Variants in DLK1 observed in about 807,000 individuals in gnomAD.
DLK1 encodes the protein delta like non-canonical Notch ligand 1, also known as protein delta homolog 1.
DLK1 carries 9 observed loss-of-function variants against 35.2 expected under a neutral mutation model. The observed-to-expected ratio is 0.26, with a 90% confidence interval of 0.15 to 0.45. The LOEUF (loss-of-function observed/expected upper bound fraction) is 0.45. Among genes scored for constraint, DLK1 ranks in the 20% least tolerant of loss-of-function variants. DLK1 has a pLI of 1.00. For missense variants in DLK1, 522 were observed against 528.5 expected, an observed-to-expected ratio of 0.99 and a Z score of 0.12; for synonymous variants, 231 against 228.4, an observed-to-expected ratio of 1.01 and a Z score of -0.10.
Position 100,735,143 on chromosome 14 carries a change from T to C in DLK1, c.*247T>C, listed in dbSNP as rs547835466. On this transcript the variant is annotated 3_prime_UTR_variant, in exon 5 of 5. Coordinates refer to ENST00000341267, the MANE Select transcript of DLK1 (RefSeq NM_003836.7). ...TTTAAATGAGTAAGAGAAATAAGTA[T>C]GTTATTCTAAAATCTAAACTCAAAT... The C allele has an allele frequency of 1.0e-4, 41 of 392,076 alleles. No homozygotes were observed. The Middle Eastern group carries it at 3.3e-3, about 31-fold the overall frequency. 24.3% of individuals were successfully genotyped at this position (392,076 alleles called of 1,614,324 possible).
chr14:100,729,698 C>T (rs1204174875), intron 3 of DLK1, among the ~76,000 whole-genome samples: 1 of 152,204 alleles, frequency 6.6e-6, no homozygotes, highest in Admixed American at 6.5e-5. Context: ...TCTTTGCCTC[C>T]ATTACCCCAA....
At position 100,732,105 on chromosome 14, in the gene DLK1, G is replaced by A. The variant is rs2036515868; in HGVS notation, c.326G>A (p.Gly109Asp). Residue 109 changes from glycine to aspartate, a missense_variant, in exon 4 of 5, where the codon GGC (glycine) becomes GAC (aspartate). Transcript: ENST00000341267. ...NNRTCVSLDD[G>D]LYECSCAPGY... ...AGGACCTGCGTGAGCCTGGACGATG[G>A]CCTCTATGAATGCTCCTGTGCCCCC... The A allele has an allele frequency of 6.2e-7, 1 of 1,613,976 alleles. No homozygotes were observed. Among genetic ancestry groups the A allele is most frequent in the Non-Finnish European group, 8.5e-7 (1 of 1,179,850 alleles).
chr14:100,732,767 C>T (rs1334939634), intron 4 of DLK1, among the ~76,000 whole-genome samples: 1 of 152,202 alleles, frequency 6.6e-6, no homozygotes, highest in African/African-American at 2.4e-5. Flanking sequence ...TTCACTTGGA[C>T]CTCCCTGAAC....
chr14:100,726,973 C>T lies in DLK1; in HGVS notation c.-96C>T. The T allele has an allele frequency of 8.1e-7, 1 of 1,234,312 alleles. No individual in the cohort carries two copies. The highest frequency in any genetic ancestry group is 1.1e-6 in the Non-Finnish European group (1 of 944,772). 76.5% of individuals were successfully genotyped at this position (1,234,312 alleles called of 1,614,324 possible). On this transcript the variant is annotated 5_prime_UTR_variant, in exon 1 of 5. Transcript: ENST00000341267. This position sits in a 1 kb window ranked among gnomAD's most constrained non-coding sequence, Gnocchi z 4.2. ...GCTTTCCCCTCGCTGCGCGCCCGCGCCCCCTTTCGCGTCCGCAACCAGAAG... is the reference window on the plus strand; with the variant it reads ...GCTTTCCCCTCGCTGCGCGCCCGCGTCCCCTTTCGCGTCCGCAACCAGAAG...
At chr14:100,728,544 G>A in intron 2 of DLK1, 85 bp downstream of exon 2, 2 of 1,412,156 alleles carry the variant, frequency 1.4e-6, no homozygotes, top group Non-Finnish European at 2.0e-6. Flanking sequence ...AAAAATAGGG[G>A]GCTTGGCCAC....
chr14:100,737,142 T>C lies in DLK1; in HGVS notation c.*2246T>C, dbSNP rs1269185767. ...CCTCCCTTCCTATCACCCCCACCCT[T>C]CTCCTCCCTTCCCTCACCCCAAACC... On this transcript the variant is annotated 3_prime_UTR_variant, in exon 5 of 5. Coordinates refer to ENST00000341267, the MANE Select transcript of DLK1 (RefSeq NM_003836.7). 1.9e-5 allele frequency: 2 copies of C among 106,940 alleles called. No homozygotes were observed. Among genetic ancestry groups the C allele is most frequent in the Non-Finnish European group, 3.7e-5 (2 of 54,166 alleles). The allele number at this position is 106,940 out of a possible 1,614,324, so 6.6% of individuals were successfully genotyped here.
Position 100,737,556 on chromosome 14 carries a change from C to G in DLK1, c.*2660C>G, listed in dbSNP as rs1351719236. Reference sequence around the variant, plus strand: ...CCAACTCCCCATCCATTCATTTGTTCACCGTCCACAACCCATCTGATCAGG... The same window carrying G: ...CCAACTCCCCATCCATTCATTTGTTGACCGTCCACAACCCATCTGATCAGG... On this transcript the variant is annotated 3_prime_UTR_variant, in exon 5 of 5. Coordinates refer to ENST00000341267, the MANE Select transcript of DLK1 (RefSeq NM_003836.7). 8 of 152,300 alleles carry G rather than the reference C, an allele frequency of 5.3e-5. No homozygotes were observed. Among genetic ancestry groups the G allele is most frequent in the Non-Finnish European group, 1.2e-4 (8 of 68,104 alleles). The allele number at this position is 152,300 out of a possible 1,614,324, so 9.4% of individuals were successfully genotyped here. A position where few individuals can be genotyped will look rare whatever the true frequency, so the allele number is the denominator to read the frequency against.
Position 100,736,896 on chromosome 14 carries a change from C to T in DLK1, c.*2000C>T, listed in dbSNP as rs1430174024. The T allele has an allele frequency of 7.0e-6, 1 of 143,254 alleles. No individual in the cohort carries two copies. The highest frequency in any genetic ancestry group is 2.6e-5 in the African/African-American group (1 of 37,818). The allele number at this position is 143,254 out of a possible 1,614,324, so 8.9% of individuals were successfully genotyped here. On this transcript the variant is annotated 3_prime_UTR_variant, in exon 5 of 5. Transcript: ENST00000341267. ...ACCCCTCCCGTCCCCCAATCCTTCCCCTCCTGTTAGCCCACCCCTCCTTTC... is the reference window on the plus strand; with the variant it reads ...ACCCCTCCCGTCCCCCAATCCTTCCTCTCCTGTTAGCCCACCCCTCCTTTC...
At chr14:100,733,636 C>T (rs1025257718) in intron 4 of DLK1, among the ~76,000 whole-genome samples, 8 of 152,126 alleles carry the variant, frequency 5.3e-5, no homozygotes, top group Non-Finnish European at 1.0e-4. Context: ...AGGACGACAG[C>T]GGGTCCCGGG....
chr14:100,733,087 A>C (rs995790241), intron 4 of DLK1, among the ~76,000 whole-genome samples: 1 of 152,270 alleles, frequency 6.6e-6, no homozygotes, highest in Non-Finnish European at 1.5e-5. Context: ...TCCAAAGATC[A>C]GTCTTCAGAC....
intron 3 of DLK1, 83 bp from the exon 4 acceptor site, chr14:100,731,959 G>A (rs2036512619): frequency 1.1e-5 from 16 of 1,496,018 alleles, no homozygotes; most frequent in African/African-American, 1.4e-5. Context: ...TGGCCATAGA[G>A]CCATTTTAAA....
chr14:100,730,728 C>G (rs2036497235), intron 3 of DLK1, among the ~76,000 whole-genome samples: 1 of 152,228 alleles, frequency 6.6e-6, no homozygotes. Flanking sequence ...AATAAGGAGC[C>G]TGACGCGGAG....
chr14:100,728,743 T>A, intron 2 of DLK1, 193 bp from the exon 3 acceptor site: 1 of 834,576 alleles, frequency 1.2e-6, no homozygotes, highest in East Asian at 2.5e-5. Context: ...CCCCTCCAAG[T>A]CGGCCCCCTC....
chr14:100,730,166 G>A (rs1390338771), intron 3 of DLK1, among the ~76,000 whole-genome samples: 1 of 152,166 alleles, frequency 6.6e-6, no homozygotes, highest in Non-Finnish European at 1.5e-5. Context: ...GCAATATGGT[G>A]CAAGGTTTAC....
At chr14:100,728,224 A>G (rs10139403) in intron 1 of DLK1, among the ~76,000 whole-genome samples, 172 bp from the exon 2 acceptor site, 93,082 of 151,802 alleles carry the variant, frequency 0.61, 29,820 homozygotes, top group Middle Eastern at 0.71. Context: ...TCCTGAGTGC[A>G]CTGAGCCCCA....
At chr14:100,728,721 G>T in intron 2 of DLK1, 1 of 710,328 alleles carries the variant, frequency 1.4e-6, no homozygotes, top group East Asian at 2.6e-5. Context: ...GCACTCCCCC[G>T]GGATCTCGGG....
rs1409351786 is a variant in DLK1, at chr14:100,734,062, G to C, written c.405-87G>C. On this transcript the variant is annotated intron_variant, in intron 4 of 4. Transcript: ENST00000341267. The surrounding 1 kb of genome is among the most constrained non-coding windows in gnomAD (Gnocchi z 7.4). ...AAGCACCTGCCCCTTAGTCAGGCCA[G>C]GGACCTTCTGCCCTGAGCCCCGTGC... 6.7e-7 allele frequency: 1 copy of C among 1,486,138 alleles called. No individual in the cohort carries two copies. The highest frequency in any genetic ancestry group is 2.3e-5 in the East Asian group (1 of 43,558). 92.1% of individuals were successfully genotyped at this position (1,486,138 alleles called of 1,614,324 possible).
chr14:100,729,822 A>C (rs889657797), intron 3 of DLK1, among the ~76,000 whole-genome samples: 41 of 151,918 alleles, frequency 2.7e-4, no homozygotes, highest in African/African-American at 9.7e-4. Flanking sequence ...CCACAAAAAA[A>C]CTCCCAGCTG....
At position 100,729,137 on chromosome 14, in the gene DLK1, C is replaced by T. The variant is rs762922375; in HGVS notation, c.262+71C>T. 8.7e-6 allele frequency: 14 copies of T among 1,604,010 alleles called. 1 individual carries two copies. The East Asian group carries it at 2.9e-4, about 33-fold the overall frequency. ...CTGCCCTAGCCCCTACCACCTCCTC[C>T]CAGTCTCCTGTTGCTGGTGTTCCTC... On this transcript the variant is annotated intron_variant, in intron 3 of 4. Transcript: ENST00000341267.
Sources: allele counts gnomAD v4.1 joint callset (sites outside exome capture counted in the v4.1 genomes callset), GRCh38; gene constraint gnomAD v4.1.1; non-coding constraint Gnocchi (gnomAD v3.1); transcripts MANE v1.5; gene names NCBI Gene and HGNC (gene_info 2026-07-23, HGNC 2026-07-21).